The following PLCB4 variants were observed in gnomAD, a reference collection of about 807,000 sequenced individuals.
PLCB4 encodes phospholipase C beta 4, also known as 1-phosphatidylinositol 4,5-bisphosphate phosphodiesterase beta-4.
A neutral mutation model predicts 178.8 loss-of-function variants in PLCB4; 77 were observed. The ratio of observed to expected loss-of-function variants is 0.43; its 90% CI spans 0.36 to 0.52. The LOEUF is 0.52. PLCB4 is among the 20% of genes least tolerant of loss of function. PLCB4 has a pLI of 0.00. For synonymous variants in PLCB4, 496 were observed against 490.8 expected (o/e 1.01, Z -0.14); for missense variants, 1,024 against 1,453.4 (o/e 0.70, Z 4.80).
At chr20:9,278,863 T>G (rs2094471498) in intron 3 of PLCB4, among the ~76,000 whole-genome samples, 1 of 152,076 alleles carries the variant, frequency 6.6e-6, no homozygotes, top group Non-Finnish European at 1.5e-5. Flanking sequence ...TTCATTCATT[T>G]CTCTTCACTT....
chr20:9,207,650 A>G (rs1238858578), intron 2 of PLCB4, among the ~76,000 whole-genome samples: 1 of 152,206 alleles, frequency 6.6e-6, no homozygotes, highest in Non-Finnish European at 1.5e-5. Flanking sequence ...ATTGAACTAT[A>G]GATTTTTTCT....
intron 13 of PLCB4, among the ~76,000 whole-genome samples, chr20:9,381,189 AC>A (rs2037111239): frequency 1.3e-5 from 2 of 152,170 alleles, no homozygotes; most frequent in Non-Finnish European, 2.9e-5. Flanking sequence ...AATTTATTTC[AC>A]ATTGCTTATG....
chr20:9,118,781 A>G (rs1600531731), intron 2 of PLCB4, among the ~76,000 whole-genome samples: 1 of 152,208 alleles, frequency 6.6e-6, no homozygotes, highest in Non-Finnish European at 1.5e-5. Context: ...AAGTCAAATT[A>G]GGAGTAAAAT....
At chr20:9,196,653 G>C (rs1401220028) in intron 2 of PLCB4, among the ~76,000 whole-genome samples, 1 of 152,254 alleles carries the variant, frequency 6.6e-6, no homozygotes, top group Non-Finnish European at 1.5e-5. Flanking sequence ...GAAGATTAGG[G>C]GTAGCCAAAA....
At position 9,211,094 on chromosome 20, in the gene PLCB4, C is replaced by T. The variant is rs546586989; in HGVS notation, c.-78-6296C>T. ...TGGCCCACCCACTTTCTTTTTTTAA[C>T]CTGCGATTCATTCGAGGGCTTTTAT... is the stretch of plus-strand genomic sequence containing the variant. On this transcript the variant is annotated intron_variant, in intron 2 of 39. Transcript: ENST00000378473. Among the ~76,000 whole-genome samples the T allele has an allele frequency of 3.9e-5, 6 of 152,170 alleles. No homozygotes were observed. In the East Asian group the frequency reaches 9.7e-4, roughly 25 times the overall value.
At chr20:9,114,794 G>A (rs756019555) in intron 2 of PLCB4, among the ~76,000 whole-genome samples, 4 of 152,146 alleles carry the variant, frequency 2.6e-5, no homozygotes, top group Non-Finnish European at 5.9e-5. Flanking sequence ...TTCCTAAGAT[G>A]CCTGAGTAAC....
chr20:9,478,506 A>C (rs138388248), intron 39 of PLCB4, among the ~76,000 whole-genome samples: 77 of 152,276 alleles, frequency 5.1e-4, no homozygotes, highest in African/African-American at 1.8e-3. Flanking sequence ...AGCAATACTT[A>C]TTCTAATGTG....
At chr20:9,230,078 C>T (rs1027380919) in intron 3 of PLCB4, among the ~76,000 whole-genome samples, 3 of 152,096 alleles carry the variant, frequency 2.0e-5, no homozygotes, top group African/African-American at 7.2e-5. Context: ...TCTTCTGTGG[C>T]CTTTCTCCTT....
chr20:9,080,129 A>G (rs1026702614), intron 1 of PLCB4, among the ~76,000 whole-genome samples: 2 of 152,218 alleles, frequency 1.3e-5, no homozygotes, highest in African/African-American at 2.4e-5. Flanking sequence ...TCAATTTAAC[A>G]GAATCATTAG....
chr20:9,276,639 G>A (rs1476069430), intron 3 of PLCB4, among the ~76,000 whole-genome samples: 1 of 152,028 alleles, frequency 6.6e-6, no homozygotes, highest in East Asian at 1.9e-4. Context: ...CCTAGTCCCT[G>A]CTCTTTCTTC....
chr20:9,442,527 G>T (rs2042171296), intron 30 of PLCB4, among the ~76,000 whole-genome samples: 1 of 152,006 alleles, frequency 6.6e-6, no homozygotes, highest in African/African-American at 2.4e-5. Context: ...AAGACAAAAA[G>T]AAAATAAAAA....
At chr20:9,366,616 T>C (rs1190536406) in intron 9 of PLCB4, among the ~76,000 whole-genome samples, 1 of 152,214 alleles carries the variant, frequency 6.6e-6, no homozygotes, top group African/African-American at 2.4e-5. Context: ...ACAGTAGTGA[T>C]GGGAATTCTT....
At chr20:9,079,060 A>G (rs1427521277) in intron 1 of PLCB4, among the ~76,000 whole-genome samples, 1 of 152,170 alleles carries the variant, frequency 6.6e-6, no homozygotes, top group Non-Finnish European at 1.5e-5. Flanking sequence ...GGACAGTCAT[A>G]TTTCCTTGGC....
intron 2 of PLCB4, among the ~76,000 whole-genome samples, chr20:9,159,004 A>G (rs2092838348): frequency 6.6e-6 from 1 of 152,218 alleles, no homozygotes; most frequent in Non-Finnish European, 1.5e-5. Flanking sequence ...GAATTATCTT[A>G]GGGAAAGTGA....
intron 35 of PLCB4, among the ~76,000 whole-genome samples, chr20:9,465,830 A>C (rs4378878): frequency 0.094 from 14,388 of 152,266 alleles, 849 homozygotes; most frequent in East Asian, 0.3. Context: ...GGATAGGAAG[A>C]ATCAGTATCG....
rs1173340255 is a variant in PLCB4 at position 9,479,171 on chromosome 20, G to A, written c.*162G>A. 1 of 608,716 alleles carries A rather than the reference G, an allele frequency of 1.6e-6. No individual in the cohort carries two copies. Among genetic ancestry groups the A allele is most frequent in the Admixed American group, 2.9e-5 (1 of 33,954 alleles). 37.7% of individuals were successfully genotyped at this position (608,716 alleles called of 1,614,324 possible). Reference sequence around the variant, plus strand: ...GACTGACTTCTATTTAACAGCTTGAGTATTGCATTTCCTTGGCCAAACAAA... The same window carrying A: ...GACTGACTTCTATTTAACAGCTTGAATATTGCATTTCCTTGGCCAAACAAA... On this transcript the variant is annotated 3_prime_UTR_variant, in exon 40 of 40. Transcript: ENST00000378473.
At position 9,343,917 on chromosome 20, in the gene PLCB4, G is replaced by A. The variant is rs142919175; in HGVS notation, c.369+4880G>A. ...CAGAATCCAGCTGCTCCTCACCAAC[G>A]TCATCACGACACAGTGGCCCAGGCC... On this transcript the variant is annotated intron_variant, in intron 7 of 39. Transcript: ENST00000378473. 2.2e-3 allele frequency among the ~76,000 whole-genome samples: 330 copies of A among 152,252 alleles called. 3 individuals are homozygous for A. The highest frequency in any genetic ancestry group is 6.8e-3 in the Middle Eastern group (2 of 294).
At chr20:9,263,881 T>C (rs2147567024) in intron 3 of PLCB4, among the ~76,000 whole-genome samples, 1 of 152,306 alleles carries the variant, frequency 6.6e-6, no homozygotes, top group African/African-American at 2.4e-5. Context: ...AGTAAAGGTG[T>C]TAAAATCATG....
intron 3 of PLCB4, among the ~76,000 whole-genome samples, chr20:9,231,589 A>C (rs904469438): frequency 1.3e-5 from 2 of 152,074 alleles, no homozygotes; most frequent in African/African-American, 2.4e-5. Context: ...TAGTGCACCG[A>C]ATTTCTATGG....
Sources: gnomAD v4.1 joint callset for allele counts (sites outside exome capture counted in the v4.1 genomes callset) on GRCh38, gnomAD v4.1.1 for gene constraint, MANE v1.5 for transcripts, NCBI Gene and HGNC (gene_info 2026-07-23, HGNC 2026-07-21) for gene names.